RORA: variants seen among roughly 807,000 people sequenced by gnomAD.
RORA encodes RAR related orphan receptor A, also known as nuclear receptor ROR-alpha.
Under a neutral mutation model 69.5 loss-of-function variants are expected in RORA, and 7 were observed. That is an observed-to-expected ratio of 0.10 (90% CI 0.06 to 0.19). The LOEUF is 0.19. RORA is among the 10% of genes least tolerant of loss of function. The pLI is 1.00. For synonymous variants in RORA, 261 were observed against 240.8 expected, an observed-to-expected ratio of 1.08 and a Z score of -0.78; for missense variants, 457 against 663.0, an observed-to-expected ratio of 0.69 and a Z score of 3.41.
intron 1 of RORA, among the ~76,000 whole-genome samples, chr15:61,142,517 C>A (rs1039196328): frequency 6.7e-6 from 1 of 150,314 alleles, no homozygotes; most frequent in African/African-American, 2.4e-5. Flanking sequence ...TTTTCCAAAA[C>A]AGCTATAACA....
At position 60,905,920 on chromosome 15, in the gene RORA, T is replaced by C. The variant is rs896933189; in HGVS notation, c.167-227234A>G. Among the ~76,000 whole-genome samples the C allele has an allele frequency of 6.6e-6, 1 of 152,218 alleles. No individual in the cohort carries two copies. Among genetic ancestry groups the C allele is most frequent in the African/African-American group, 2.4e-5 (1 of 41,458 alleles). On this transcript the variant is annotated intron_variant, in intron 1 of 10. Transcript: ENST00000335670. The surrounding 1 kb of genome is among the most constrained non-coding windows in gnomAD (Gnocchi z 4.8). Reference sequence around the variant, plus strand: ...CTCTTCTACCAAAGAAGCCCTAAAATGTATTTTCAGATAAATATCAGGAAA... The same window carrying C: ...CTCTTCTACCAAAGAAGCCCTAAAACGTATTTTCAGATAAATATCAGGAAA...
At chr15:60,716,049 T>C (rs942154728) in intron 1 of RORA, among the ~76,000 whole-genome samples, 1 of 152,238 alleles carries the variant, frequency 6.6e-6, no homozygotes, top group Non-Finnish European at 1.5e-5. Flanking sequence ...CAAAGTTTAA[T>C]GTGCATACGA....
chr15:60,883,130 CAA>C (rs60074751), intron 1 of RORA, among the ~76,000 whole-genome samples: 5,916 of 42,932 alleles, frequency 0.14, 205 homozygotes, highest in Admixed American at 0.3. Context: ...GACATCGTCT[CAA>C]AAAAAAAAAA....
In RORA at chr15:61,066,929, G is replaced by GC. The variant is rs1179982293; in HGVS notation, c.166+162123dup. ...AAACCCAAAAAGGTGGATAGCCTAGGCCTTGGTCCACTGAGCACTGTCATT... is the reference window on the plus strand; with the variant it reads ...AAACCCAAAAAGGTGGATAGCCTAGGCCCTTGGTCCACTGAGCACTGTCATT... On this transcript the variant is annotated intron_variant, in intron 1 of 10. Transcript: ENST00000335670. Among the ~76,000 whole-genome samples the GC allele has an allele frequency of 3.4e-5, 5 of 146,654 alleles. No individual in the cohort carries two copies. In the East Asian group the frequency reaches 7.9e-4, roughly 23 times the overall value.
chr15:60,874,328 T>C lies in RORA; in HGVS notation c.167-195642A>G, dbSNP rs192556287. On this transcript the variant is annotated intron_variant, in intron 1 of 10. Transcript: ENST00000335670. ...AAATATGCATTAAGCATCAACTGTG[T>C]ACCAGGCACTGTTCTAGGTGCTGGG... is the stretch of plus-strand genomic sequence containing the variant. Among the ~76,000 whole-genome samples, 61 of 152,364 alleles carry C rather than the reference T, an allele frequency of 4.0e-4. No homozygotes were observed. In the East Asian group the frequency reaches 6.7e-3, roughly 17 times the overall value.
At chr15:61,161,912 T>C (rs2079499269) in intron 1 of RORA, among the ~76,000 whole-genome samples, 1 of 152,222 alleles carries the variant, frequency 6.6e-6, no homozygotes. Flanking sequence ...ATGAACTGTA[T>C]ATGCAGCCAC....
chr15:60,763,245 G>T (rs749874316), intron 1 of RORA, among the ~76,000 whole-genome samples: 37 of 151,978 alleles, frequency 2.4e-4, no homozygotes, highest in Middle Eastern at 3.4e-3. Flanking sequence ...CATCTTGCCA[G>T]GGGCAGAACC....
chr15:61,107,143 G>A (rs1022143756), intron 1 of RORA, among the ~76,000 whole-genome samples: 3 of 152,114 alleles, frequency 2.0e-5, no homozygotes, highest in Non-Finnish European at 4.4e-5. Flanking sequence ...CCAATGAGCT[G>A]GAATCACCCG....
At chr15:60,878,709 A>G (rs771841928) in intron 1 of RORA, among the ~76,000 whole-genome samples, 4 of 152,218 alleles carry the variant, frequency 2.6e-5, no homozygotes, top group Non-Finnish European at 5.9e-5. Context: ...GGCCCTGCAG[A>G]AACAGCAGCT....
At chr15:60,665,864 G>A (rs2070371853) in intron 2 of RORA, among the ~76,000 whole-genome samples, 1 of 152,000 alleles carries the variant, frequency 6.6e-6, no homozygotes. Context: ...TAGTAAAGAC[G>A]GGGTTTCCCC....
intron 1 of RORA, chr15:61,176,513 T>C (rs1196710808): frequency 6.6e-6 from 1 of 152,162 alleles, no homozygotes; most frequent in Non-Finnish European, 1.5e-5. Context: ...GATCTTGCTA[T>C]GCTGCCCAGA....
intron 1 of RORA, among the ~76,000 whole-genome samples, chr15:60,730,803 T>G (rs117578017): frequency 0.016 from 2,507 of 152,324 alleles, 30 homozygotes; most frequent in Admixed American, 0.024. Flanking sequence ...TGTTACAATA[T>G]GAAAACTTTA....
At chr15:60,824,416 A>G (rs1398907606) in intron 1 of RORA, among the ~76,000 whole-genome samples, 57 of 151,834 alleles carry the variant, frequency 3.8e-4, no homozygotes, top group Non-Finnish European at 1.2e-4. Context: ...ACAGAAGACA[A>G]CTGGCTCTTT....
At chr15:60,762,242 T>C (rs1362911768) in intron 1 of RORA, among the ~76,000 whole-genome samples, 2 of 152,176 alleles carry the variant, frequency 1.3e-5, no homozygotes, top group Admixed American at 6.5e-5. Context: ...AAAAGTACTA[T>C]TAAACTAAAA....
intron 1 of RORA, among the ~76,000 whole-genome samples, chr15:60,824,442 C>T (rs2140382826): frequency 7.2e-6 from 1 of 138,928 alleles, no homozygotes; most frequent in Non-Finnish European, 1.6e-5. Flanking sequence ...GACATCTTCC[C>T]TTATTAAAAA....
rs2065680965 is a variant in RORA, at chr15:60,511,035, G to T, written c.820+191C>A. On this transcript the variant is annotated intron_variant, in intron 5 of 10. Transcript: ENST00000335670. This position sits in a 1 kb window ranked among gnomAD's most constrained non-coding sequence, Gnocchi z 6.4. ...CCATTTCTAATGCTGAGAGGTCAAT[G>T]CATGTATTGGATAAACCATGGGAAA... Among the ~76,000 whole-genome samples the T allele has an allele frequency of 6.6e-6, 1 of 152,214 alleles. No individual in the cohort carries two copies. Among genetic ancestry groups the T allele is most frequent in the East Asian group, 1.9e-4 (1 of 5,194 alleles).
rs976926813 is a variant in RORA, at chr15:60,488,968, C to G, written c.*8487G>C. Reference sequence around the variant, plus strand: ...TACTTTGTAAATTTAACAAAACAACCCAGGAAAAACGTTTTAATTGGGGCA... The same window carrying G: ...TACTTTGTAAATTTAACAAAACAACGCAGGAAAAACGTTTTAATTGGGGCA... On this transcript the variant is annotated 3_prime_UTR_variant, in exon 11 of 11. Transcript: ENST00000335670. 1.3e-5 allele frequency: 2 copies of G among 152,054 alleles called. No individual in the cohort carries two copies. Among genetic ancestry groups the G allele is most frequent in the African/African-American group, 4.8e-5 (2 of 41,388 alleles). The allele number at this position is 152,054 out of a possible 1,614,324, so 9.4% of individuals were successfully genotyped here. A position where few individuals can be genotyped will look rare whatever the true frequency, so the allele number is the denominator to read the frequency against.
intron 1 of RORA, among the ~76,000 whole-genome samples, chr15:61,175,440 C>T (rs111782347): frequency 1.0e-4 from 15 of 150,748 alleles, no homozygotes; most frequent in African/African-American, 3.6e-4. Flanking sequence ...GGCACGGTGA[C>T]TCATACCTAT....
At chr15:60,748,705 C>T (rs1308782485) in intron 1 of RORA, among the ~76,000 whole-genome samples, 1 of 152,162 alleles carries the variant, frequency 6.6e-6, no homozygotes, top group Non-Finnish European at 1.5e-5. Flanking sequence ...CCACTCTTAC[C>T]ACCCTAATTT....
Sources: gnomAD v4.1 joint callset for allele counts (sites outside exome capture counted in the v4.1 genomes callset) on GRCh38, gnomAD v4.1.1 for gene constraint, Gnocchi (gnomAD v3.1) non-coding constraint, MANE v1.5 for transcripts, NCBI Gene and HGNC (gene_info 2026-07-23, HGNC 2026-07-21) for gene names.